The following VIPR1 variants were observed in gnomAD, a reference collection of about 807,000 sequenced individuals.
VIPR1 encodes vasoactive intestinal peptide receptor 1, also known as vasoactive intestinal polypeptide receptor 1.
In VIPR1, 59 loss-of-function variants were observed where a neutral mutation model predicts 58.8. That is an observed-to-expected ratio of 1.00 (90% CI 0.81 to 1.25). The LOEUF is 1.25. VIPR1 is among the 50% of genes most tolerant of loss of function. VIPR1 has a pLI of 0.00. For synonymous variants in VIPR1, 251 were observed against 242.1 expected, an observed-to-expected ratio of 1.04 and a Z score of -0.34; for missense variants, 626 against 602.7, an observed-to-expected ratio of 1.04 and a Z score of -0.40.
intron 1 of VIPR1, among the ~76,000 whole-genome samples, chr3:42,490,311 C>T (rs2125621831): frequency 6.6e-6 from 1 of 152,374 alleles, no homozygotes; most frequent in East Asian, 1.9e-4. Context: ...ACACGAGCTG[C>T]AGCAGAGCTG....
intron 1 of VIPR1, among the ~76,000 whole-genome samples, chr3:42,508,444 G>A (rs991984158): frequency 6.6e-6 from 1 of 152,166 alleles, no homozygotes; most frequent in Non-Finnish European, 1.5e-5. Flanking sequence ...GTGGGCGACG[G>A]CGTGTCACAT....
At chr3:42,526,015 C>T (rs539066765) in intron 4 of VIPR1, 22 bp downstream of exon 4, 3 of 1,598,460 alleles carry the variant, frequency 1.9e-6, no homozygotes, top group Non-Finnish European at 2.6e-6. Context: ...GGCACCCCCA[C>T]CTCACCTGCA....
chr3:42,527,979 CA>C lies in VIPR1; in HGVS notation c.504-11del. 1 of 1,613,258 alleles carries C rather than the reference CA, an allele frequency of 6.2e-7. No homozygotes were observed. The highest frequency in any genetic ancestry group is 8.5e-7 in the Non-Finnish European group (1 of 1,179,514). On this transcript the variant is annotated splice_polypyrimidine_tract_variant and intron_variant, in intron 5 of 12. Transcript: ENST00000325123. ...GCCCCTTTGGCCTCCCAGATCTGCC[CA>C]CCCCACACAGGAAGCTCCACTGCAC...
chr3:42,525,429 A>C (rs968655282), intron 3 of VIPR1, among the ~76,000 whole-genome samples: 2 of 118,166 alleles, frequency 1.7e-5, no homozygotes, highest in African/African-American at 6.6e-5. Context: ...AAGCCCTTCC[A>C]GGTGTGAGAA....
At chr3:42,519,901 G>A (rs1293978564) in intron 3 of VIPR1, among the ~76,000 whole-genome samples, 1 of 152,236 alleles carries the variant, frequency 6.6e-6, no homozygotes. Flanking sequence ...ACACAGTGGA[G>A]AGAGGATAAA....
intron 7 of VIPR1, 158 bp downstream of exon 7, chr3:42,531,090 A>G: frequency 1.0e-6 from 1 of 970,926 alleles, no homozygotes; most frequent in Non-Finnish European, 1.5e-6. Flanking sequence ...AAAGTCCTCA[A>G]AATGTCTGAT....
intron 1 of VIPR1, among the ~76,000 whole-genome samples, chr3:42,490,606 T>G (rs544491313): frequency 6.6e-6 from 1 of 152,058 alleles, no homozygotes; most frequent in Non-Finnish European, 1.5e-5. Flanking sequence ...AGGGGAGGAA[T>G]GGGTGGGTAG....
At chr3:42,497,312 T>C (rs1268620906) in intron 1 of VIPR1, among the ~76,000 whole-genome samples, 1 of 152,146 alleles carries the variant, frequency 6.6e-6, no homozygotes, top group Non-Finnish European at 1.5e-5. Context: ...TTGAACCTTG[T>C]CCCTAACTCT....
chr3:42,502,604 A>G, upstream of VIPR1: 1 of 664,792 alleles, frequency 1.5e-6, no homozygotes, highest in South Asian at 6.3e-5. Context: ...CCCAGCCCTG[A>G]GCTGCGCCTC....
chr3:42,534,806 G>A, intron 10 of VIPR1, 169 bp from the exon 11 acceptor site: 1 of 837,974 alleles, frequency 1.2e-6, no homozygotes, highest in Non-Finnish European at 1.8e-6. Context: ...CTGCAGCTGT[G>A]GAACAGGAGC....
In VIPR1 at chr3:42,525,931, C is replaced by A; in HGVS notation, c.337C>A (p.Leu113Met). Residue 113 changes from leucine to methionine, a missense_variant, in exon 4 of 13, where the codon CTG becomes ATG. Leu to Met is a conservative substitution (Grantham distance 15, BLOSUM62 2). Transcript: ENST00000325123. ...CTGCACCGACGAAGGCTGGACGCAC[C>A]TGGAGCCTGGCCCGTACCCCATTGC... ...RSCTDEGWTH[L>M]EPGPYPIACG... The A allele has an allele frequency of 2.5e-6, 4 of 1,613,674 alleles. No individual in the cohort carries two copies. Among genetic ancestry groups the A allele is most frequent in the Non-Finnish European group, 3.4e-6 (4 of 1,179,844 alleles).
chr3:42,503,537 C>T (rs1699973398), intron 1 of VIPR1, among the ~76,000 whole-genome samples: 1 of 152,124 alleles, frequency 6.6e-6, no homozygotes, highest in Non-Finnish European at 1.5e-5. Flanking sequence ...TGTGTATGCC[C>T]TTGATACATG....
intron 12 of VIPR1, 97 bp from the exon 13 acceptor site, chr3:42,535,993 T>G: frequency 2.2e-6 from 3 of 1,376,152 alleles, no homozygotes; most frequent in Non-Finnish European, 2.9e-6. Flanking sequence ...CTAAAGAGAA[T>G]AAGACTGGCT....
chr3:42,517,502 G>A (rs1443557865), intron 2 of VIPR1, among the ~76,000 whole-genome samples: 2 of 152,196 alleles, frequency 1.3e-5, no homozygotes, highest in African/African-American at 2.4e-5. Flanking sequence ...GCATTTGCAT[G>A]TGCCTATTCA....
intron 7 of VIPR1, 177 bp from the exon 8 acceptor site, chr3:42,531,294 C>A (rs1182355318): frequency 2.9e-6 from 2 of 679,968 alleles, no homozygotes; most frequent in Admixed American, 2.4e-5. Context: ...AGCTTCACCC[C>A]CTCAGTGGAG....
chr3:42,532,580 G>C (rs971323327), intron 10 of VIPR1: 1 of 577,286 alleles, frequency 1.7e-6, no homozygotes, highest in Non-Finnish European at 3.1e-6. Flanking sequence ...TCCTTCCCAG[G>C]TATGCATCTG....
chr3:42,518,057 A>G (rs953006431), intron 2 of VIPR1, among the ~76,000 whole-genome samples: 1 of 152,006 alleles, frequency 6.6e-6, no homozygotes, highest in Non-Finnish European at 1.5e-5. Context: ...CTCCTTCACT[A>G]TCATAATATG....
intron 3 of VIPR1, among the ~76,000 whole-genome samples, chr3:42,521,953 G>T (rs2125658604): frequency 6.7e-6 from 1 of 149,906 alleles, no homozygotes; most frequent in South Asian, 2.1e-4. Context: ...TCACTGTATT[G>T]GCCAGGCTGG....
intron 1 of VIPR1, among the ~76,000 whole-genome samples, chr3:42,495,161 A>G (rs1217483678): frequency 2.0e-5 from 3 of 152,050 alleles, no homozygotes; most frequent in South Asian, 4.1e-4. Flanking sequence ...TCACTCTGTC[A>G]CCCAGGCTGG....
Sources: allele counts gnomAD v4.1 joint callset (sites outside exome capture counted in the v4.1 genomes callset), GRCh38; gene constraint gnomAD v4.1.1; transcripts MANE v1.5; gene names NCBI Gene and HGNC (gene_info 2026-07-23, HGNC 2026-07-21).